ANK2: variants seen among roughly 807,000 people sequenced by gnomAD.
ANK2 encodes ankyrin-2.
ANK2 carries 83 observed loss-of-function variants against 360.5 expected under a neutral mutation model. That is an observed-to-expected ratio of 0.23 (90% CI 0.19 to 0.28). ANK2 has a LOEUF of 0.28. Among genes scored for constraint, ANK2 ranks in the 10% least tolerant of loss-of-function variants. ANK2 has a pLI of 1.00. For synonymous variants in ANK2, 1,740 were observed against 1,759.5 expected (o/e 0.99, Z 0.28); for missense variants, 4,201 against 4,795.7 (o/e 0.88, Z 3.66).
chr4:112,901,575 A>T (rs2083363134), intron 1 of ANK2, among the ~76,000 whole-genome samples: 1 of 152,206 alleles, frequency 6.6e-6, no homozygotes, highest in Admixed American at 6.5e-5. Flanking sequence ...CCTTAAAAGA[A>T]GAAAAAGCCC....
intron 1 of ANK2, among the ~76,000 whole-genome samples, chr4:112,840,120 G>T (rs1187698003): frequency 6.6e-6 from 1 of 152,160 alleles, no homozygotes; most frequent in Non-Finnish European, 1.5e-5. Flanking sequence ...CTAACAGCAG[G>T]CTTTAGATCA....
chr4:112,721,321 C>G, the ANK2 span, among the ~76,000 whole-genome samples: 1 of 152,096 alleles, frequency 6.6e-6, no homozygotes, highest in East Asian at 1.9e-4. Flanking sequence ...AGGTGGATCA[C>G]TGGAGGTCAG....
intron 4 of ANK2, among the ~76,000 whole-genome samples, chr4:113,227,983 G>A (rs2099245673): frequency 6.6e-6 from 1 of 152,140 alleles, no homozygotes; most frequent in East Asian, 1.9e-4. Flanking sequence ...GGATATAACA[G>A]AAGCTCAATA....
intron 26 of ANK2, among the ~76,000 whole-genome samples, chr4:113,324,028 C>G (rs534730063): frequency 2.0e-5 from 3 of 152,290 alleles, no homozygotes; most frequent in Non-Finnish European, 4.4e-5. Flanking sequence ...CTGTTCCAGA[C>G]TTACTGTGGA....
chr4:112,782,729 C>A, the ANK2 span, among the ~76,000 whole-genome samples: 1 of 151,538 alleles, frequency 6.6e-6, no homozygotes, highest in African/African-American at 2.4e-5. Context: ...ATTAGCTGGG[C>A]ATGGTGGCAG....
chr4:113,064,842 T>A (rs1390807750), intron 1 of ANK2, among the ~76,000 whole-genome samples: 533 of 1,132 alleles, frequency 0.47, 3 homozygotes, highest in Middle Eastern at 0.5. Flanking sequence ...GTAGAACTTC[T>A]AACAAAAATG....
intron 1 of ANK2, among the ~76,000 whole-genome samples, chr4:112,849,252 A>G (rs561731247): frequency 6.6e-6 from 1 of 152,312 alleles, no homozygotes; most frequent in Admixed American, 6.5e-5. Flanking sequence ...AACCAAGCTT[A>G]ATATCCACTC....
upstream of ANK2, among the ~76,000 whole-genome samples, chr4:112,815,276 C>CTGTTA (rs1316442602): frequency 6.6e-6 from 1 of 152,136 alleles, no homozygotes; most frequent in African/African-American, 2.4e-5. Context: ...CAGTATATCC[C>CTGTTA]TAACAAGATT....
chr4:112,745,941 C>G, the ANK2 span, among the ~76,000 whole-genome samples: 3 of 152,086 alleles, frequency 2.0e-5, no homozygotes, highest in Non-Finnish European at 4.4e-5. Context: ...CTCTGATAAC[C>G]ATTTTTCATT....
At chr4:112,734,637 T>C in the ANK2 span, among the ~76,000 whole-genome samples, 1 of 152,230 alleles carries the variant, frequency 6.6e-6, no homozygotes, top group African/African-American at 2.4e-5. Flanking sequence ...GTGGTTCTCT[T>C]GTATTCTTAT....
intron 22 of ANK2, among the ~76,000 whole-genome samples, chr4:113,298,903 G>A (rs1164430765): frequency 6.6e-6 from 1 of 152,094 alleles, no homozygotes; most frequent in African/African-American, 2.4e-5. Flanking sequence ...TTCATTTCTT[G>A]TTACATTATA....
At chr4:113,196,227 G>T in intron 2 of ANK2, 141 bp from the exon 3 acceptor site, 1 of 659,876 alleles carries the variant, frequency 1.5e-6, no homozygotes, top group East Asian at 2.8e-5. Context: ...TAAATTAATA[G>T]ATTCAAGATT....
intron 38 of ANK2, among the ~76,000 whole-genome samples, chr4:113,360,578 T>C (rs559878034): frequency 3.3e-5 from 5 of 152,340 alleles, no homozygotes; most frequent in African/African-American, 1.2e-4. Context: ...CAGCAACTTA[T>C]ATAATTATGT....
chr4:112,969,519 T>G (rs1374603499), intron 2 of ANK2, among the ~76,000 whole-genome samples: 3 of 152,140 alleles, frequency 2.0e-5, no homozygotes, highest in Non-Finnish European at 4.4e-5. Context: ...AGGGAAGGCT[T>G]AAAGAAAATG....
chr4:113,269,707 G>A (rs1444240277), intron 14 of ANK2, among the ~76,000 whole-genome samples: 2 of 106,330 alleles, frequency 1.9e-5, no homozygotes, highest in Non-Finnish European at 4.3e-5. Context: ...GCAGATGGGA[G>A]CTGTTCCTAT....
intron 4 of ANK2, among the ~76,000 whole-genome samples, chr4:113,223,117 A>G (rs1342611906): frequency 1.3e-5 from 2 of 152,194 alleles, no homozygotes; most frequent in Middle Eastern, 3.2e-3. Flanking sequence ...TCCTGACCTT[A>G]AAGCTTGGTG....
At chr4:113,362,219 C>T (rs1259262450) in intron 39 of ANK2, among the ~76,000 whole-genome samples, 5 of 151,952 alleles carry the variant, frequency 3.3e-5, no homozygotes, top group South Asian at 2.1e-4. Context: ...TTCCCAGTAA[C>T]GGCAGTAAAT....
Position 113,265,348 on chromosome 4 carries a change from A to T in ANK2, c.1485+353A>T, listed in dbSNP as rs1040716678. 2.0e-5 allele frequency among the ~76,000 whole-genome samples: 3 copies of T among 152,206 alleles called. No individual in the cohort carries two copies. The East Asian group carries it at 5.8e-4, about 29-fold the overall frequency. On this transcript the variant is annotated intron_variant, in intron 14 of 45. Transcript: ENST00000357077. ...AACCTAAAGTATTTAGATGCTATAC[A>T]TATTAAAATTTATTTCTTACCACTT... is the stretch of plus-strand genomic sequence containing the variant.
At chr4:113,177,089 A>T (rs2098239022) in intron 2 of ANK2, among the ~76,000 whole-genome samples, 1 of 152,132 alleles carries the variant, frequency 6.6e-6, no homozygotes, top group Admixed American at 6.5e-5. Flanking sequence ...AGAATATGGA[A>T]TATTTAATAC....
Sources: allele counts gnomAD v4.1 joint callset (sites outside exome capture counted in the v4.1 genomes callset), GRCh38; gene constraint gnomAD v4.1.1; transcripts MANE v1.5; gene names NCBI Gene and HGNC (gene_info 2026-07-23, HGNC 2026-07-21).